RAPGEF2: variants seen among roughly 807,000 people sequenced by gnomAD.
The protein encoded by RAPGEF2 is Rap guanine nucleotide exchange factor 2, also known as PDZ domain containing guanine nucleotide exchange factor (GEF) 1.
Under a neutral mutation model 186.7 loss-of-function variants are expected in RAPGEF2, and 54 were observed. That is an observed-to-expected ratio of 0.29 (90% CI 0.23 to 0.36). RAPGEF2 has a LOEUF of 0.36. Ranked by LOEUF, RAPGEF2 falls within the 10% of genes least tolerant of loss-of-function variation. The pLI is 1.00. For missense variants in RAPGEF2, 1,532 were observed against 2,045.0 expected, an observed-to-expected ratio of 0.75 and a Z score of 4.84; for synonymous variants, 712 against 705.9, an observed-to-expected ratio of 1.01 and a Z score of -0.14.
chr4:159,303,821 T>G (rs187000359), intron 7 of RAPGEF2, among the ~76,000 whole-genome samples: 2 of 152,250 alleles, frequency 1.3e-5, no homozygotes, highest in East Asian at 3.9e-4. Flanking sequence ...AATTCTAAGA[T>G]CTTTGATGGC....
At chr4:159,116,840 A>G (rs989375401) in intron 1 of RAPGEF2, among the ~76,000 whole-genome samples, 1 of 152,154 alleles carries the variant, frequency 6.6e-6, no homozygotes, top group Non-Finnish European at 1.5e-5. Flanking sequence ...TACAAGTGGG[A>G]AGCTGAACAA....
chr4:159,300,536 G>A (rs976452756), intron 7 of RAPGEF2, among the ~76,000 whole-genome samples: 1 of 151,674 alleles, frequency 6.6e-6, no homozygotes, highest in Non-Finnish European at 1.5e-5. Flanking sequence ...GAAATACATT[G>A]GTATTAAAAA....
Position 159,243,759 on chromosome 4 carries a change from CATTTT to C in RAPGEF2, c.526-14_526-10del. The C allele has an allele frequency of 7.8e-7, 1 of 1,277,314 alleles. No individual in the cohort carries two copies. Among genetic ancestry groups the C allele is most frequent in the Non-Finnish European group, 1.0e-6 (1 of 977,564 alleles). 79.1% of individuals were successfully genotyped at this position (1,277,314 alleles called of 1,614,324 possible). ...CTTTCCTCCTTTATGGCACTCATTT[CATTTT>C]GGCTCAAAGGAATGCACTAAATCTC... On this transcript the variant is annotated splice_polypyrimidine_tract_variant and intron_variant, in intron 6 of 29. Coordinates refer to ENST00000691494, the MANE Select transcript of RAPGEF2 (RefSeq NM_001394067.2).
At chr4:159,118,022 A>G (rs28738766) in intron 1 of RAPGEF2, among the ~76,000 whole-genome samples, 2 of 152,274 alleles carry the variant, frequency 1.3e-5, no homozygotes, top group African/African-American at 4.8e-5. Flanking sequence ...AATATTACCA[A>G]TCTCCTATAA....
chr4:159,230,708 G>A (rs1203807222), intron 4 of RAPGEF2, among the ~76,000 whole-genome samples: 3 of 152,110 alleles, frequency 2.0e-5, no homozygotes, highest in Non-Finnish European at 4.4e-5. Context: ...TTCTGAATTA[G>A]AAATGCTGAT....
intron 7 of RAPGEF2, among the ~76,000 whole-genome samples, chr4:159,263,524 T>C (rs1411250718): frequency 6.6e-6 from 1 of 152,186 alleles, no homozygotes; most frequent in Non-Finnish European, 1.5e-5. Flanking sequence ...TCTGTGGTAG[T>C]GGGGAGAGGG....
intron 16 of RAPGEF2, 30 bp from the exon 17 acceptor site, chr4:159,332,421 A>G (rs1257336966): frequency 1.3e-6 from 2 of 1,591,942 alleles, no homozygotes; most frequent in Non-Finnish European, 1.7e-6. Flanking sequence ...AATTGCCATT[A>G]CGTGGTGTTT....
intron 1 of RAPGEF2, among the ~76,000 whole-genome samples, chr4:159,178,395 G>A (rs1313079733): frequency 3.8e-4 from 58 of 152,050 alleles, no homozygotes; most frequent in Admixed American, 3.8e-3. Flanking sequence ...AGATCTTGAT[G>A]CTGCAAACAA....
chr4:159,295,784 A>G (rs1761944521), intron 7 of RAPGEF2, among the ~76,000 whole-genome samples: 1 of 148,726 alleles, frequency 6.7e-6, no homozygotes. Flanking sequence ...CATGCACATA[A>G]TGTTTTTTCT....
chr4:159,140,106 A>G (rs1042299638), intron 1 of RAPGEF2, among the ~76,000 whole-genome samples: 1 of 152,220 alleles, frequency 6.6e-6, no homozygotes, highest in African/African-American at 2.4e-5. Context: ...TTGCAGAATA[A>G]AGTTTTGAAA....
intron 11 of RAPGEF2, 43 bp downstream of exon 11, chr4:159,323,660 A>G (rs1270768298): frequency 8.5e-7 from 1 of 1,173,920 alleles, no homozygotes; most frequent in Non-Finnish European, 1.1e-6. Flanking sequence ...ATTCTTAATA[A>G]AGAACACTTA....
chr4:159,229,476 CA>C (rs1302846178), intron 4 of RAPGEF2: 2 of 152,200 alleles, frequency 1.3e-5, no homozygotes, highest in Non-Finnish European at 2.9e-5. Flanking sequence ...GGCCTTACAA[CA>C]CCTGCAGCAC....
At chr4:159,153,707 C>T (rs1743809518) in intron 1 of RAPGEF2, among the ~76,000 whole-genome samples, 1 of 152,020 alleles carries the variant, frequency 6.6e-6, no homozygotes, top group South Asian at 2.1e-4. Flanking sequence ...TCCAGTTGCC[C>T]CCCAACATTT....
At chr4:159,104,553 A>AGAGAGAGTGT (rs1553991869) in intron 1 of RAPGEF2, among the ~76,000 whole-genome samples, 14 of 136,116 alleles carry the variant, frequency 1.0e-4, no homozygotes, top group South Asian at 2.4e-4. Context: ...AGAGAGAGAG[A>AGAGAGAGTGT]GTGTGTGTGT....
Position 159,351,327 on chromosome 4 carries a change from C to G in RAPGEF2, c.3865+1038C>G. The G allele has an allele frequency of 7.3e-6, 6 of 822,562 alleles. No individual in the cohort carries two copies. The South Asian group carries it at 1.0e-4, about 14-fold the overall frequency. 51.0% of individuals were successfully genotyped at this position (822,562 alleles called of 1,614,324 possible). On this transcript the variant is annotated intron_variant, in intron 26 of 29. Transcript: ENST00000691494. The stretch of plus-strand genomic sequence containing the variant: ...CTTTTTTTTTTTTAAGCAGACTGTT[C>G]AGGGAGGGCTTTAAATCTTATCTGT...
chr4:159,276,202 A>G (rs1758846554), intron 7 of RAPGEF2, among the ~76,000 whole-genome samples: 1 of 152,150 alleles, frequency 6.6e-6, no homozygotes, highest in African/African-American at 2.4e-5. Context: ...AGCAAAATTG[A>G]GCAATGAGTA....
intron 4 of RAPGEF2, among the ~76,000 whole-genome samples, chr4:159,215,487 TA>T (rs1362925763): frequency 6.6e-6 from 1 of 152,236 alleles, no homozygotes; most frequent in East Asian, 1.9e-4. Flanking sequence ...CTGTGCTAGA[TA>T]TTTAAGACAT....
At chr4:159,170,502 A>G (rs910836192) in intron 1 of RAPGEF2, among the ~76,000 whole-genome samples, 2 of 152,208 alleles carry the variant, frequency 1.3e-5, no homozygotes, top group African/African-American at 4.8e-5. Flanking sequence ...GGCATTAGAT[A>G]CGATAAGTAA....
intron 9 of RAPGEF2, among the ~76,000 whole-genome samples, chr4:159,322,095 G>A (rs997024973): frequency 5.3e-5 from 8 of 152,082 alleles, no homozygotes; most frequent in Non-Finnish European, 5.9e-5. Flanking sequence ...AATGTCTTTA[G>A]TGGTATTAGA....
Sources: gnomAD v4.1 joint callset for allele counts (sites outside exome capture counted in the v4.1 genomes callset) on GRCh38, gnomAD v4.1.1 for gene constraint, MANE v1.5 for transcripts, NCBI Gene and HGNC (gene_info 2026-07-23, HGNC 2026-07-21) for gene names.